The following GALNTL6 variants were observed in gnomAD, a reference collection of about 807,000 sequenced individuals.
GALNTL6 encodes polypeptide N-acetylgalactosaminyltransferase-like 6.
In GALNTL6, 46 loss-of-function variants were observed where a neutral mutation model predicts 73.7. That is an observed-to-expected ratio of 0.62 (90% CI 0.49 to 0.80). The LOEUF (loss-of-function observed/expected upper bound fraction) is 0.80. Ranked by LOEUF, GALNTL6 falls within the 30% of genes least tolerant of loss-of-function variation. The pLI is 0.00. For missense variants in GALNTL6, 604 were observed against 755.0 expected (o/e 0.80, Z 2.34); for synonymous variants, 259 against 263.7 (o/e 0.98, Z 0.17).
intron 2 of GALNTL6, among the ~76,000 whole-genome samples, chr4:172,123,418 C>CA (rs35145755): frequency 0.44 from 66,618 of 150,986 alleles, 15,277 homozygotes; most frequent in African/African-American, 0.55. Flanking sequence ...GTATTAACTA[C>CA]GATAGCTTAA....
chr4:171,962,134 C>T (rs1370936428), intron 2 of GALNTL6, among the ~76,000 whole-genome samples: 1 of 152,140 alleles, frequency 6.6e-6, no homozygotes, highest in Non-Finnish European at 1.5e-5. Flanking sequence ...ATATCATCGC[C>T]CCTATCCAAC....
intron 8 of GALNTL6, among the ~76,000 whole-genome samples, chr4:172,910,753 C>T (rs951279256): frequency 2.0e-5 from 3 of 152,254 alleles, no homozygotes; most frequent in Non-Finnish European, 2.9e-5. Flanking sequence ...AGAGAATGAG[C>T]GATTTGTTGA....
intron 7 of GALNTL6, among the ~76,000 whole-genome samples, chr4:172,842,987 C>T (rs1350439682): frequency 6.6e-6 from 1 of 152,062 alleles, no homozygotes; most frequent in Non-Finnish European, 1.5e-5. Flanking sequence ...GGGAAATGCA[C>T]TCACTCTTTG....
At chr4:171,999,733 A>G (rs1299105834) in intron 2 of GALNTL6, among the ~76,000 whole-genome samples, 2 of 145,812 alleles carry the variant, frequency 1.4e-5, no homozygotes, top group African/African-American at 5.0e-5. Context: ...GATTAAAAAT[A>G]TGACAGATTC....
intron 5 of GALNTL6, among the ~76,000 whole-genome samples, chr4:172,663,509 C>A (rs1024424784): frequency 3.9e-5 from 6 of 152,192 alleles, no homozygotes; most frequent in Admixed American, 6.5e-5. Context: ...TCCCACTAGT[C>A]GGAGGATCAG....
intron 5 of GALNTL6, among the ~76,000 whole-genome samples, chr4:172,556,370 A>G (rs766910897): frequency 2.6e-5 from 4 of 152,110 alleles, no homozygotes; most frequent in Non-Finnish European, 5.9e-5. Context: ...CCTTAAATTA[A>G]CAAGAGAAGG....
intron 5 of GALNTL6, among the ~76,000 whole-genome samples, chr4:172,685,971 T>G (rs1732893831): frequency 6.6e-6 from 1 of 152,216 alleles, no homozygotes; most frequent in Non-Finnish European, 1.5e-5. Flanking sequence ...TAACCTTGCT[T>G]AGGTTTCACC....
intron 2 of GALNTL6, among the ~76,000 whole-genome samples, chr4:171,893,327 A>G (rs974198204): frequency 2.0e-5 from 3 of 147,908 alleles, no homozygotes; most frequent in African/African-American, 5.3e-5. Flanking sequence ...CCTCAAAACA[A>G]CTATGTAAGA....
At position 172,809,281 on chromosome 4, in the gene GALNTL6, C is replaced by G. The variant is rs1189883316; in HGVS notation, c.554-80C>G. 5 of 1,127,492 alleles carry G rather than the reference C, an allele frequency of 4.4e-6. No individual in the cohort carries two copies. The highest frequency in any genetic ancestry group is 1.3e-6 in the Non-Finnish European group (1 of 754,570). The allele number at this position is 1,127,492 out of a possible 1,614,324, so 69.8% of individuals were successfully genotyped here. ...CCAGGATTCATCAGTCACATACTCT[C>G]TATGCACAAACAACCGTGAATAATT... On this transcript the variant is annotated intron_variant, in intron 5 of 12. Coordinates refer to ENST00000506823, the MANE Select transcript of GALNTL6 (RefSeq NM_001034845.3). This position sits in a 1 kb window ranked among gnomAD's most constrained non-coding sequence, Gnocchi z 4.4.
intron 2 of GALNTL6, among the ~76,000 whole-genome samples, chr4:171,977,727 G>A (rs1377346027): frequency 6.6e-6 from 1 of 152,064 alleles, no homozygotes; most frequent in Non-Finnish European, 1.5e-5. Flanking sequence ...ATTCCATCAA[G>A]TCATATTCAA....
At chr4:172,611,783 T>A (rs888433340) in intron 5 of GALNTL6, among the ~76,000 whole-genome samples, 1 of 152,082 alleles carries the variant, frequency 6.6e-6, no homozygotes, top group African/African-American at 2.4e-5. Flanking sequence ...CGTTTTGCCA[T>A]CTTTTATTCC....
intron 12 of GALNTL6, among the ~76,000 whole-genome samples, chr4:173,028,403 T>C (rs1284488555): frequency 2.6e-5 from 4 of 152,104 alleles, no homozygotes; most frequent in African/African-American, 7.2e-5. Context: ...GAGAATCACT[T>C]TTGTAGCTCT....
intron 7 of GALNTL6, among the ~76,000 whole-genome samples, chr4:172,875,656 A>G (rs1745155785): frequency 6.6e-6 from 1 of 151,680 alleles, no homozygotes; most frequent in South Asian, 2.1e-4. Flanking sequence ...GAAGCTATCT[A>G]TCACTTATTG....
intron 5 of GALNTL6, among the ~76,000 whole-genome samples, chr4:172,578,482 A>G (rs7676761): frequency 0.031 from 4,673 of 152,324 alleles, 108 homozygotes; most frequent in African/African-American, 0.063. Context: ...AAGACACAAA[A>G]CTGAAAAAAA....
chr4:171,910,364 A>C (rs1737437782), intron 2 of GALNTL6, among the ~76,000 whole-genome samples: 1 of 152,262 alleles, frequency 6.6e-6, no homozygotes, highest in South Asian at 2.1e-4. Flanking sequence ...TCAGGCAAAC[A>C]GATTGAAAGA....
At chr4:172,217,700 T>C (rs1307049777) in intron 2 of GALNTL6, among the ~76,000 whole-genome samples, 1 of 152,194 alleles carries the variant, frequency 6.6e-6, no homozygotes, top group Non-Finnish European at 1.5e-5. Flanking sequence ...GCCCTTAACA[T>C]GTTATAGTTA....
chr4:171,920,223 C>T (rs960826868), intron 2 of GALNTL6, among the ~76,000 whole-genome samples: 13 of 151,588 alleles, frequency 8.6e-5, no homozygotes, highest in Non-Finnish European at 1.8e-4. Flanking sequence ...ACACCGGGGC[C>T]TGTTTTGGGG....
intron 5 of GALNTL6, among the ~76,000 whole-genome samples, chr4:172,386,501 G>A (rs892748978): frequency 3.9e-5 from 6 of 152,154 alleles, no homozygotes; most frequent in African/African-American, 7.2e-5. Flanking sequence ...AAGTGAGAGC[G>A]AGAAAGAGAG....
chr4:171,957,223 T>C (rs405986), intron 2 of GALNTL6, among the ~76,000 whole-genome samples: 72,367 of 152,078 alleles, frequency 0.48, 17,713 homozygotes, highest in East Asian at 0.59. Flanking sequence ...GTAGGAACTT[T>C]ATAAACGTTA....
Sources: gnomAD v4.1 joint callset for allele counts (sites outside exome capture counted in the v4.1 genomes callset) on GRCh38, gnomAD v4.1.1 for gene constraint, Gnocchi (gnomAD v3.1) non-coding constraint, MANE v1.5 for transcripts, NCBI Gene and HGNC (gene_info 2026-07-23, HGNC 2026-07-21) for gene names.